The following PANX1 variants were observed in gnomAD, a reference collection of about 807,000 sequenced individuals.
The protein encoded by PANX1 is pannexin 1, also known as pannexin-1.
Under a neutral mutation model 38.7 loss-of-function variants are expected in PANX1, and 30 were observed. That is an observed-to-expected ratio of 0.78 (90% CI 0.58 to 1.05). The LOEUF (loss-of-function observed/expected upper bound fraction) is 1.05, where lower values mean the gene tolerates loss of function less well. Ranked by LOEUF, PANX1 falls within the 50% of genes least tolerant of loss-of-function variation. PANX1 has a pLI of 0.00. For missense variants in PANX1, 551 were observed against 517.2 expected (o/e 1.07, Z -0.63); for synonymous variants, 230 against 212.2 (o/e 1.08, Z -0.73).
chr11:94,159,798 T>C (rs974166520), intron 2 of PANX1, among the ~76,000 whole-genome samples: 6 of 151,896 alleles, frequency 4.0e-5, no homozygotes, highest in African/African-American at 9.7e-5. Flanking sequence ...CTTGCTTCTC[T>C]AGTTCTTTTA....
At chr11:94,176,842 C>G (rs1426211549) in intron 2 of PANX1, among the ~76,000 whole-genome samples, 2 of 151,634 alleles carry the variant, frequency 1.3e-5, no homozygotes, top group East Asian at 1.9e-4. Context: ...CACTTACCAG[C>G]TTTGTGATCT....
chr11:94,165,199 C>T (rs1401205235), intron 2 of PANX1, among the ~76,000 whole-genome samples: 1 of 152,012 alleles, frequency 6.6e-6, no homozygotes, highest in Non-Finnish European at 1.5e-5. Context: ...TAAGGACTTA[C>T]TACTGCAATT....
chr11:94,141,447 C>A lies in PANX1; in HGVS notation c.181+11954C>A, dbSNP rs181032132. On this transcript the variant is annotated intron_variant, in intron 1 of 4. Coordinates refer to ENST00000227638, the MANE Select transcript of PANX1 (RefSeq NM_015368.4). ...ACTTGGCGGTGTCTGGTGACTGCCC[C>A]CTCCCTCCCCAGTGCCCACCTTTTT... Among the ~76,000 whole-genome samples, 43 of 152,210 alleles carry A rather than the reference C, an allele frequency of 2.8e-4. No homozygotes were observed. In the East Asian group the frequency reaches 8.1e-3, roughly 29 times the overall value.
Position 94,129,002 on chromosome 11 carries a change from G to A in PANX1, c.-311G>A, listed in dbSNP as rs940157201. The A allele has an allele frequency of 4.4e-5, 10 of 227,102 alleles. No individual in the cohort carries two copies. The highest frequency in any genetic ancestry group is 6.0e-5 in the Non-Finnish European group (7 of 117,390). 14.1% of individuals were successfully genotyped at this position (227,102 alleles called of 1,614,324 possible). A position where few individuals can be genotyped will look rare whatever the true frequency, so the allele number is the denominator to read the frequency against. On this transcript the variant is annotated 5_prime_UTR_variant, in exon 1 of 5. Coordinates refer to ENST00000227638, the MANE Select transcript of PANX1 (RefSeq NM_015368.4). ...GGTTCCCGCGCCTGGGGGTGCGCGG[G>A]AGAGGCGCGAATCCGAGTGCCGCGC...
At position 94,129,083 on chromosome 11, in the gene PANX1, C is replaced by G. The variant is rs1404380217; in HGVS notation, c.-230C>G. ...GTGGAACCGCAGGAAGCGGAGCTCT[C>G]GGGTTCCCGCCCCGCCCCGCCCCGC... On this transcript the variant is annotated 5_prime_UTR_variant, in exon 1 of 5. Coordinates refer to ENST00000227638, the MANE Select transcript of PANX1 (RefSeq NM_015368.4). The G allele has an allele frequency of 7.7e-6, 3 of 388,406 alleles. No individual in the cohort carries two copies. The African/African-American group carries it at 8.7e-5, about 11-fold the overall frequency. The allele number at this position is 388,406 out of a possible 1,614,324, so 24.1% of individuals were successfully genotyped here.
chr11:94,149,378 C>G (rs971768397), intron 1 of PANX1, among the ~76,000 whole-genome samples: 15 of 152,262 alleles, frequency 9.9e-5, no homozygotes, highest in African/African-American at 3.6e-4. Flanking sequence ...AAGGTGTGAC[C>G]AGCACCCTAT....
Position 94,179,743 on chromosome 11 carries a change from C to T in PANX1, c.687C>T (p.Ile229=). ...TCATCATTATACTGTTAGCGTGTAT[C>T]TACCTGGGCTATTACTTCAGCCTCT... is the stretch of plus-strand genomic sequence containing the variant. ...LTLIIILLAC[I]YLGYYFSLSS... is the part of the protein sequence containing the mutation. Residue 229 remains isoleucine (I), a synonymous_variant, in exon 4 of 5, where the codon ATC becomes ATT. Transcript: ENST00000227638. The T allele has an allele frequency of 6.2e-7, 1 of 1,614,042 alleles. No individual in the cohort carries two copies. The highest frequency in any genetic ancestry group is 8.5e-7 in the Non-Finnish European group (1 of 1,179,970).
intron 1 of PANX1, among the ~76,000 whole-genome samples, chr11:94,144,305 A>T (rs1174528081): frequency 6.6e-6 from 1 of 152,058 alleles, no homozygotes; most frequent in Non-Finnish European, 1.5e-5. Context: ...TGAATGTGTG[A>T]CCAGTCTGGG....
At chr11:94,129,572 G>T in intron 1 of PANX1, 79 bp downstream of exon 1, 2 of 1,307,512 alleles carry the variant, frequency 1.5e-6, no homozygotes, top group South Asian at 2.7e-5. Context: ...TCACAGGCCC[G>T]AGTCTGGGTA....
At position 94,129,427 on chromosome 11, in the gene PANX1, A is replaced by G; in HGVS notation, c.115A>G (p.Thr39Ala). The change falls in exon 1 of 5, where the codon ACG becomes GCG. Residue 39 changes from threonine to alanine, a missense_variant. Thr to Ala is a moderately conservative substitution (Grantham distance 58). Coordinates refer to ENST00000227638, the MANE Select transcript of PANX1 (RefSeq NM_015368.4). ...RLELAVDKMV[T>A]CIAVGLPLLL... The stretch of plus-strand genomic sequence containing the variant: ...GGAGCTGGCTGTGGACAAGATGGTC[A>G]CGTGCATTGCGGTGGGGCTGCCCCT... 1 of 1,614,012 alleles carries G rather than the reference A, an allele frequency of 6.2e-7. No individual in the cohort carries two copies. Among genetic ancestry groups the G allele is most frequent in the Non-Finnish European group, 8.5e-7 (1 of 1,179,950 alleles).
intron 2 of PANX1, among the ~76,000 whole-genome samples, chr11:94,161,660 G>T (rs1287700738): frequency 6.6e-6 from 1 of 152,042 alleles, no homozygotes; most frequent in Non-Finnish European, 1.5e-5. Context: ...TTTGCCATTG[G>T]TTCGAACTTC....
chr11:94,136,428 A>G (rs369588446), intron 1 of PANX1, among the ~76,000 whole-genome samples: 1 of 152,230 alleles, frequency 6.6e-6, no homozygotes, highest in Non-Finnish European at 1.5e-5. Context: ...AATTACTTGC[A>G]TACTTATCTG....
chr11:94,163,647 A>G (rs1256023276), intron 2 of PANX1, among the ~76,000 whole-genome samples: 10 of 152,084 alleles, frequency 6.6e-5, no homozygotes, highest in Non-Finnish European at 1.2e-4. Context: ...GAGGATTTTT[A>G]TATCTGTGTT....
chr11:94,159,833 T>C (rs1209737765), intron 2 of PANX1, among the ~76,000 whole-genome samples: 1 of 151,966 alleles, frequency 6.6e-6, no homozygotes, highest in Non-Finnish European at 1.5e-5. Context: ...GTGTCAATTT[T>C]AGATCTTTCC....
chr11:94,140,959 C>G (rs532222115), intron 1 of PANX1, among the ~76,000 whole-genome samples: 1 of 152,172 alleles, frequency 6.6e-6, no homozygotes, highest in African/African-American at 2.4e-5. Context: ...TAGTAGATGA[C>G]TGGATTCTGG....
At chr11:94,137,594 TA>T (rs1334757833) in intron 1 of PANX1, among the ~76,000 whole-genome samples, 1 of 148,764 alleles carries the variant, frequency 6.7e-6, no homozygotes, top group Non-Finnish European at 1.5e-5. Context: ...AGGGAGACAT[TA>T]GTTACTTGGG....
In PANX1 at chr11:94,171,099, G is replaced by A. The variant is rs532295912; in HGVS notation, c.322-7270G>A. ...TCACCCCTCATTCATTCAGGACTCA[G>A]TCATGCTCATCCTCCTTCACCACCC... On this transcript the variant is annotated intron_variant, in intron 2 of 4. Transcript: ENST00000227638. 5.3e-5 allele frequency among the ~76,000 whole-genome samples: 8 copies of A among 151,694 alleles called. No individual in the cohort carries two copies. In the East Asian group the frequency reaches 5.8e-4, roughly 11 times the overall value.
intron 1 of PANX1, among the ~76,000 whole-genome samples, chr11:94,150,389 C>A (rs966601443): frequency 2.0e-5 from 3 of 152,178 alleles, no homozygotes; most frequent in Non-Finnish European, 4.4e-5. Context: ...AAGGGAGAGA[C>A]TGGAAGACTT....
intron 2 of PANX1, 26 bp downstream of exon 2, chr11:94,153,656 A>T: frequency 6.2e-7 from 1 of 1,606,544 alleles, no homozygotes; most frequent in Non-Finnish European, 8.5e-7. Context: ...TCCAAATAGA[A>T]CCTGTTTGCT....
Sources: allele counts gnomAD v4.1 joint callset (sites outside exome capture counted in the v4.1 genomes callset), GRCh38; gene constraint gnomAD v4.1.1; transcripts MANE v1.5; gene names NCBI Gene and HGNC (gene_info 2026-07-23, HGNC 2026-07-21).